PXDNL: variants seen among roughly 807,000 people sequenced by gnomAD.
The protein encoded by PXDNL is peroxidasin like, also known as probable oxidoreductase PXDNL.
Under a neutral mutation model 150.8 loss-of-function variants are expected in PXDNL, and 145 were observed. The ratio of observed to expected loss-of-function variants is 0.96; its 90% CI spans 0.84 to 1.10. PXDNL has a LOEUF of 1.10. Among genes scored for constraint, PXDNL ranks in the 50% least tolerant of loss-of-function variants. The pLI, the probability that PXDNL is intolerant of heterozygous loss-of-function variation, is 0.00. For missense variants in PXDNL, 2,087 were observed against 1,873.9 expected (o/e 1.11, Z -2.10); for synonymous variants, 757 against 725.7 (o/e 1.04, Z -0.69).
At chr8:51,588,797 G>A (rs780798650) in intron 3 of PXDNL, among the ~76,000 whole-genome samples, 6 of 152,176 alleles carry the variant, frequency 3.9e-5, no homozygotes, top group Non-Finnish European at 7.3e-5. Flanking sequence ...AACACAGGGA[G>A]AAGGTCAAGC....
intron 3 of PXDNL, among the ~76,000 whole-genome samples, chr8:51,570,764 A>T (rs781708670): frequency 4.6e-5 from 7 of 151,978 alleles, no homozygotes; most frequent in Non-Finnish European, 1.5e-5. Context: ...AGAATTCATA[A>T]GGGTCAAAGA....
chr8:51,455,073 C>A (rs1199765028), intron 9 of PXDNL, among the ~76,000 whole-genome samples: 1 of 76,282 alleles, frequency 1.3e-5, no homozygotes, highest in African/African-American at 7.4e-5. Flanking sequence ...TGCGCCACTG[C>A]AGTCCGCAGT....
intron 1 of PXDNL, among the ~76,000 whole-genome samples, chr8:51,702,369 A>G (rs2130883965): frequency 6.6e-6 from 1 of 152,314 alleles, no homozygotes; most frequent in Admixed American, 6.5e-5. Context: ...AATTTAGGGT[A>G]AGAATTGAAT....
intron 8 of PXDNL, among the ~76,000 whole-genome samples, chr8:51,470,498 C>G (rs1250038001): frequency 6.6e-6 from 1 of 152,054 alleles, no homozygotes; most frequent in African/African-American, 2.4e-5. Context: ...GGAAGGGACA[C>G]ATGAAAACCA....
At position 51,409,168 on chromosome 8, in the gene PXDNL, G is replaced by C. The variant is rs201184283; in HGVS notation, c.2456C>G (p.Pro819Arg). The C allele has an allele frequency of 9.5e-4, 1,513 of 1,599,540 alleles. 6 individuals carry two copies. Among genetic ancestry groups the C allele is most frequent in the Non-Finnish European group, 1.2e-3 (1,354 of 1,177,000 alleles). Residue 819 changes from proline (P) to arginine (R), a missense_variant, in exon 17 of 23, where the codon CCT (proline) becomes CGT (arginine). Pro to Arg is a moderately radical substitution (Grantham distance 103, BLOSUM62 -2). Coordinates refer to ENST00000356297, the MANE Select transcript of PXDNL (RefSeq NM_144651.5). ...FLEHDLDHTV[P>R]ALSTARFSDG... is the part of the protein sequence containing the mutation. Reference sequence around the variant, plus strand: ...CGAGAAGCGGGCTGTGCTCAGCGCAGGCACTGTGTGGTCCAAGTCGTGCTC... The same window carrying C: ...CGAGAAGCGGGCTGTGCTCAGCGCACGCACTGTGTGGTCCAAGTCGTGCTC...
At chr8:51,626,404 C>A (rs1323771569) in intron 2 of PXDNL, among the ~76,000 whole-genome samples, 4 of 152,206 alleles carry the variant, frequency 2.6e-5, no homozygotes, top group African/African-American at 9.6e-5. Flanking sequence ...TGAGGGTGCT[C>A]TAATGGCAAC....
chr8:51,363,912 G>T (rs1035366410), intron 19 of PXDNL, among the ~76,000 whole-genome samples: 1 of 152,130 alleles, frequency 6.6e-6, no homozygotes, highest in Non-Finnish European at 1.5e-5. Context: ...CACTGGACAA[G>T]TTATAAAACA....
At chr8:51,767,647 T>C (rs1214327454) in intron 1 of PXDNL, among the ~76,000 whole-genome samples, 4 of 152,224 alleles carry the variant, frequency 2.6e-5, no homozygotes, top group Admixed American at 6.5e-5. Flanking sequence ...CACCTACAGA[T>C]ACTCTTTTCA....
intron 17 of PXDNL, among the ~76,000 whole-genome samples, chr8:51,384,441 A>G (rs979376279): frequency 6.6e-6 from 1 of 152,146 alleles, no homozygotes; most frequent in African/African-American, 2.4e-5. Context: ...TTGTTTCTTT[A>G]CTTGAAAGAA....
intron 21 of PXDNL, among the ~76,000 whole-genome samples, chr8:51,331,663 C>T (rs759807583): frequency 6.6e-5 from 10 of 152,052 alleles, no homozygotes; most frequent in African/African-American, 1.9e-4. Flanking sequence ...GGAATGGGAC[C>T]GGCCCTTCGG....
intron 1 of PXDNL, among the ~76,000 whole-genome samples, chr8:51,706,204 G>A (rs143226050): frequency 5.7e-4 from 86 of 152,204 alleles, no homozygotes; most frequent in Middle Eastern, 6.8e-3. Flanking sequence ...CCAGTTACTC[G>A]GGAGACTGAG....
chr8:51,470,247 G>A (rs1810295290), intron 8 of PXDNL, among the ~76,000 whole-genome samples: 1 of 152,042 alleles, frequency 6.6e-6, no homozygotes, highest in African/African-American at 2.4e-5. Flanking sequence ...CTAGTTTCCA[G>A]ATTTAATAGT....
At chr8:51,531,357 A>G (rs1284123685) in intron 4 of PXDNL, among the ~76,000 whole-genome samples, 1 of 151,990 alleles carries the variant, frequency 6.6e-6, no homozygotes, top group Non-Finnish European at 1.5e-5. Context: ...CTCTTATTAA[A>G]CCTGTTCTAT....
chr8:51,554,374 C>A (rs1184992690), intron 4 of PXDNL, among the ~76,000 whole-genome samples: 2 of 152,174 alleles, frequency 1.3e-5, no homozygotes, highest in African/African-American at 4.8e-5. Flanking sequence ...CTCCCATTGT[C>A]TTGATGAATG....
rs372369601 is a variant in PXDNL, at chr8:51,691,577, GA to G, written c.165-36818del. Among the ~76,000 whole-genome samples, 215 of 141,652 alleles carry G rather than the reference GA, an allele frequency of 1.5e-3. 1 individual carries two copies. The highest frequency in any genetic ancestry group is 6.6e-3 in the East Asian group (32 of 4,860). 92.9% of individuals were successfully genotyped at this position (141,652 alleles called of 152,430 possible). A position where few individuals can be genotyped will look rare whatever the true frequency, so the allele number is the denominator to read the frequency against. On this transcript the variant is annotated intron_variant, in intron 1 of 22. Coordinates refer to ENST00000356297, the MANE Select transcript of PXDNL (RefSeq NM_144651.5). ...TGACTTAAGAAAGTTAATTTAAAAT[GA>G]AAAAAAAAACACCTAAATATAAAAT...
intron 1 of PXDNL, among the ~76,000 whole-genome samples, chr8:51,677,133 G>A (rs1815642636): frequency 6.6e-6 from 1 of 152,156 alleles, no homozygotes; most frequent in South Asian, 2.1e-4. Context: ...TTTCCCATTT[G>A]TTTTGGTGAA....
Position 51,345,852 on chromosome 8 carries a change from A to C in PXDNL, c.3997T>G (p.Leu1333Val). The change falls in exon 20 of 23, where the codon TTA becomes GTA. Residue 1333 changes from leucine (L) to valine (V), a missense_variant. Leu to Val is a conservative substitution (Grantham distance 32, BLOSUM62 1). Transcript: ENST00000356297. Reference protein sequence around the residue: ...YSYPVDKDMELSHLRSRQQDK... With the variant: ...YSYPVDKDMEVSHLRSRQQDK... ...ACATACCTACTTCTTAGATGACTTA[A>C]CTCCATATCCTTATCAACAGGATAG... 6 of 1,608,718 alleles carry C rather than the reference A, an allele frequency of 3.7e-6. No homozygotes were observed. Among genetic ancestry groups the C allele is most frequent in the Non-Finnish European group, 5.1e-6 (6 of 1,175,284 alleles).
At chr8:51,408,015 CTT>C (rs1808483011) in intron 17 of PXDNL, 50 bp downstream of exon 17, 1 of 1,490,444 alleles carries the variant, frequency 6.7e-7, no homozygotes, top group Non-Finnish European at 9.0e-7. Context: ...ACCTTTAACA[CTT>C]TTACCTCTCC....
At chr8:51,668,172 C>CTTTTT (rs765738861) in intron 1 of PXDNL, among the ~76,000 whole-genome samples, 29 of 26,110 alleles carry the variant, frequency 1.1e-3, no homozygotes, top group African/African-American at 2.3e-3. Context: ...CCTTCTCGCT[C>CTTTTT]TCTCTTTTTT....
Sources: allele counts gnomAD v4.1 joint callset (sites outside exome capture counted in the v4.1 genomes callset), GRCh38; gene constraint gnomAD v4.1.1; transcripts MANE v1.5; gene names NCBI Gene and HGNC (gene_info 2026-07-23, HGNC 2026-07-21).